Variants in CELF1 observed in about 807,000 individuals in gnomAD.
CELF1 encodes 50 kDa nuclear polyadenylated RNA-binding protein.
Under a neutral mutation model 61.8 loss-of-function variants are expected in CELF1, and 10 were observed. The ratio of observed to expected loss-of-function variants is 0.16; its 90% CI spans 0.10 to 0.27. CELF1 has a LOEUF of 0.27. CELF1 is among the 10% of genes least tolerant of loss of function. CELF1 has a pLI of 1.00. For missense variants in CELF1, 380 were observed against 639.1 expected, an observed-to-expected ratio of 0.59 and a Z score of 4.37; for synonymous variants, 236 against 225.1, an observed-to-expected ratio of 1.05 and a Z score of -0.43.
At position 47,497,090 on chromosome 11, in the gene CELF1, G is replaced by A. The variant is rs1026557760; in HGVS notation, c.71+2363C>T. On this transcript the variant is annotated intron_variant, in intron 3 of 14. Coordinates refer to ENST00000687097, the MANE Select transcript of CELF1 (RefSeq NM_001376376.1). ...TTCACTTGAACTCCAAGGAGGAGAG[G>A]AAGAGAAAGAAACTAACAACTCTTG... Among the ~76,000 whole-genome samples the A allele has an allele frequency of 8.5e-5, 13 of 152,264 alleles. No homozygotes were observed. In the South Asian group the frequency reaches 2.1e-3, roughly 24 times the overall value.
chr11:47,535,062 C>T lies in CELF1; in HGVS notation c.-154+17930G>A, dbSNP rs2096594156. Among the ~76,000 whole-genome samples, 4 of 151,994 alleles carry T rather than the reference C, an allele frequency of 2.6e-5. 1 individual carries two copies. The highest frequency in any genetic ancestry group is 2.6e-4 in the Admixed American group (4 of 15,250). On this transcript the variant is annotated intron_variant, in intron 1 of 14. Coordinates refer to ENST00000687097, the MANE Select transcript of CELF1 (RefSeq NM_001376376.1). ...GTCTTTCCATAGATCTAGCTTAGCC[C>T]CAGAGCAAACTTATACCAGACAAAT...
At chr11:47,514,552 AC>A (rs2095439774) in intron 1 of CELF1, among the ~76,000 whole-genome samples, 1 of 151,970 alleles carries the variant, frequency 6.6e-6, no homozygotes, top group Non-Finnish European at 1.5e-5. Context: ...CATGCAAAAA[AC>A]ATTTTTAAAA....
Position 47,541,777 on chromosome 11 carries a change from AGAACGAAAGAAAGAAC to A in CELF1, c.-154+11199_-154+11214del. Among the ~76,000 whole-genome samples, 104 of 16,708 alleles carry A rather than the reference AGAACGAAAGAAAGAAC, an allele frequency of 6.2e-3. 12 individuals are homozygous for A. The highest frequency in any genetic ancestry group is 0.012 in the African/African-American group (98 of 8,316). The allele number at this position is 16,708 out of a possible 152,430, so 11.0% of individuals were successfully genotyped here. A position where few individuals can be genotyped will look rare whatever the true frequency, so the allele number is the denominator to read the frequency against. On this transcript the variant is annotated intron_variant, in intron 1 of 14. Coordinates refer to ENST00000687097, the MANE Select transcript of CELF1 (RefSeq NM_001376376.1). ...AAGAACGAAAGAAAGAACGAAAGAA[AGAACGAAAGAAAGAAC>A]GAAAGAAAGAAAGAAAGAAAGAAAG...
chr11:47,526,371 G>A, intron 1 of CELF1, among the ~76,000 whole-genome samples: 1 of 152,282 alleles, frequency 6.6e-6, no homozygotes, highest in East Asian at 1.9e-4. Flanking sequence ...GAAGAATACA[G>A]AATTTGAACA....
chr11:47,557,374 A>T (rs2097208594), upstream of CELF1, among the ~76,000 whole-genome samples: 1 of 149,168 alleles, frequency 6.7e-6, no homozygotes, highest in Non-Finnish European at 1.5e-5. Flanking sequence ...ACATGCCACC[A>T]CATCCGGCTA....
intron 3 of CELF1, among the ~76,000 whole-genome samples, chr11:47,491,469 T>A (rs1395790424): frequency 6.6e-6 from 1 of 152,214 alleles, no homozygotes. Flanking sequence ...TTGAATCTTT[T>A]ATAATTCAAC....
chr11:47,481,928 C>A (rs557281338), intron 9 of CELF1, among the ~76,000 whole-genome samples: 4 of 152,180 alleles, frequency 2.6e-5, no homozygotes, highest in Non-Finnish European at 5.9e-5. Context: ...CTCCGCCAGG[C>A]GCAGTGGCTC....
chr11:47,498,163 G>T (rs1005038012), intron 3 of CELF1, among the ~76,000 whole-genome samples: 1 of 152,132 alleles, frequency 6.6e-6, no homozygotes, highest in Non-Finnish European at 1.5e-5. Flanking sequence ...AGTAAGACAG[G>T]CCAGGTGCCG....
At chr11:47,523,550 C>T (rs1409224251) in intron 1 of CELF1, 3 of 152,246 alleles carry the variant, frequency 2.0e-5, no homozygotes, top group Non-Finnish European at 2.9e-5. Context: ...CTAAGTGATT[C>T]AGAGCCAGAA....
intron 4 of CELF1, among the ~76,000 whole-genome samples, chr11:47,487,761 C>T (rs1004040049): frequency 6.6e-6 from 1 of 152,184 alleles, no homozygotes; most frequent in African/African-American, 2.4e-5. Flanking sequence ...CTCTTAACAT[C>T]TTTTTTTGGA....
intron 6 of CELF1, 72 bp downstream of exon 6, chr11:47,486,678 G>T: frequency 8.1e-7 from 1 of 1,241,236 alleles, no homozygotes; most frequent in Non-Finnish European, 1.2e-6. Flanking sequence ...AAAGTGCTGG[G>T]ATTACAGGTG....
chr11:47,482,244 G>GA (rs1205993235), intron 9 of CELF1, among the ~76,000 whole-genome samples: 4 of 151,178 alleles, frequency 2.6e-5, no homozygotes, highest in South Asian at 2.1e-4. Flanking sequence ...AGCAAAAAAA[G>GA]AAAAAAAATC....
At chr11:47,472,390 C>T (rs2153357831) in intron 14 of CELF1, 33 bp from the exon 15 acceptor site, 1 of 1,607,106 alleles carries the variant, frequency 6.2e-7, no homozygotes. Flanking sequence ...AGGTGAGGGA[C>T]ATAATGAGGC....
At chr11:47,489,932 C>CTTTTTTT (rs530410346) in intron 3 of CELF1, among the ~76,000 whole-genome samples, 10 of 23,430 alleles carry the variant, frequency 4.3e-4, no homozygotes, top group African/African-American at 2.2e-3. Context: ...AACATACCAT[C>CTTTTTTT]TTGTTTTTTT....
intron 6 of CELF1, among the ~76,000 whole-genome samples, chr11:47,484,747 C>CA (rs2085592321): frequency 6.6e-6 from 1 of 152,174 alleles, no homozygotes; most frequent in Admixed American, 6.5e-5. Flanking sequence ...GGCGCGATCT[C>CA]GGCTCACCGC....
At chr11:47,518,023 C>A (rs1257412707) in intron 1 of CELF1, among the ~76,000 whole-genome samples, 1 of 152,094 alleles carries the variant, frequency 6.6e-6, no homozygotes, top group Non-Finnish European at 1.5e-5. Context: ...TTGTCCACTT[C>A]CCCCTGCAAC....
intron 5 of CELF1, 105 bp from the exon 6 acceptor site, chr11:47,486,903 G>A: frequency 3.3e-6 from 3 of 912,820 alleles, no homozygotes; most frequent in Non-Finnish European, 5.3e-6. Context: ...AGTTCTCTCT[G>A]AACTCATGTC....
rs1565727268 is a variant in CELF1 at position 47,471,783 on chromosome 11, G to A, written c.*447C>T. ...TTCTACCCACCCTCACACTAAGAGA[G>A]GTTCTGGGGGTCACTTTTTTGTTCC... On this transcript the variant is annotated 3_prime_UTR_variant, in exon 15 of 15. Coordinates refer to ENST00000687097, the MANE Select transcript of CELF1 (RefSeq NM_001376376.1). The A allele has an allele frequency of 6.4e-6, 1 of 157,202 alleles. No individual in the cohort carries two copies. The highest frequency in any genetic ancestry group is 1.4e-5 in the Non-Finnish European group (1 of 70,626). The allele number at this position is 157,202 out of a possible 1,614,324, so 9.7% of individuals were successfully genotyped here. A position where few individuals can be genotyped will look rare whatever the true frequency, so the allele number is the denominator to read the frequency against.
chr11:47,533,184 T>C (rs1341397968), intron 1 of CELF1, among the ~76,000 whole-genome samples: 1 of 152,040 alleles, frequency 6.6e-6, no homozygotes, highest in Non-Finnish European at 1.5e-5. Flanking sequence ...CCATACAGTA[T>C]ACATTTCTGA....
Sources: allele counts gnomAD v4.1 joint callset (sites outside exome capture counted in the v4.1 genomes callset), GRCh38; gene constraint gnomAD v4.1.1; transcripts MANE v1.5; gene names NCBI Gene and HGNC (gene_info 2026-07-23, HGNC 2026-07-21).